The following HMGCLL1 variants were observed in gnomAD, a reference collection of about 807,000 sequenced individuals.
The protein encoded by HMGCLL1 is 3-hydroxymethyl-3-methylglutaryl-CoA lyase, cytoplasmic.
Under a neutral mutation model 39.1 loss-of-function variants are expected in HMGCLL1, and 36 were observed. The observed-to-expected ratio is 0.92, with a 90% CI of 0.71 to 1.22. The LOEUF (loss-of-function observed/expected upper bound fraction) is 1.22, where lower values mean the gene tolerates loss of function less well. Ranked by LOEUF, HMGCLL1 falls within the 50% of genes most tolerant of loss-of-function variation. HMGCLL1 has a pLI of 0.00. For synonymous variants in HMGCLL1, 149 were observed against 144.0 expected, an observed-to-expected ratio of 1.03 and a Z score of -0.25; for missense variants, 451 against 416.5, an observed-to-expected ratio of 1.08 and a Z score of -0.72.
At chr6:55,543,486 A>ATTTTTATG (rs1561951688) in intron 1 of HMGCLL1, among the ~76,000 whole-genome samples, 10 of 15,882 alleles carry the variant, frequency 6.3e-4, no homozygotes, top group Admixed American at 1.3e-3. Context: ...TAATATATAT[A>ATTTTTATG]TGATATATAT....
the HMGCLL1 span, among the ~76,000 whole-genome samples, chr6:55,628,461 C>T: frequency 6.6e-6 from 1 of 151,216 alleles, no homozygotes; most frequent in Admixed American, 6.6e-5. Context: ...CATCACCACA[C>T]CTGGCTAATT....
upstream of HMGCLL1, among the ~76,000 whole-genome samples, chr6:55,582,942 T>C (rs1305994137): frequency 6.6e-6 from 1 of 152,048 alleles, no homozygotes; most frequent in Non-Finnish European, 1.5e-5. Context: ...AAGTATAGCA[T>C]GTTATTTATT....
the HMGCLL1 span, among the ~76,000 whole-genome samples, chr6:55,615,446 T>G: frequency 6.6e-6 from 1 of 152,148 alleles, no homozygotes; most frequent in African/African-American, 2.4e-5. Flanking sequence ...CTCTATAAAA[T>G]GTACTTGCAG....
chr6:55,547,601 C>T (rs1770063280), intron 1 of HMGCLL1, among the ~76,000 whole-genome samples: 1 of 151,908 alleles, frequency 6.6e-6, no homozygotes, highest in South Asian at 2.1e-4. Context: ...AGCCAGTATT[C>T]CCAAGAACTG....
At chr6:55,586,492 C>A in the HMGCLL1 span, among the ~76,000 whole-genome samples, 8 of 151,794 alleles carry the variant, frequency 5.3e-5, no homozygotes, top group South Asian at 1.7e-3. Flanking sequence ...TGTGCTGCAC[C>A]CAATAACTCA....
intron 1 of HMGCLL1, among the ~76,000 whole-genome samples, chr6:55,578,676 A>C (rs1771875991): frequency 1.3e-5 from 2 of 152,210 alleles, no homozygotes; most frequent in Non-Finnish European, 2.9e-5. Context: ...GAAAACACAG[A>C]GAAGGAATTC....
At chr6:55,492,758 T>G (rs1181143280) in intron 7 of HMGCLL1, among the ~76,000 whole-genome samples, 1 of 152,196 alleles carries the variant, frequency 6.6e-6, no homozygotes, top group Non-Finnish European at 1.5e-5. Flanking sequence ...TGGCTATAAA[T>G]TAAGCCCTGG....
intron 1 of HMGCLL1, among the ~76,000 whole-genome samples, chr6:55,555,615 A>G (rs774363738): frequency 5.9e-5 from 9 of 152,216 alleles, no homozygotes; most frequent in Non-Finnish European, 1.3e-4. Context: ...AATTCATCCA[A>G]TCAGATTTCA....
the HMGCLL1 span, among the ~76,000 whole-genome samples, chr6:55,626,153 G>A: frequency 6.6e-6 from 1 of 152,096 alleles, no homozygotes; most frequent in Non-Finnish European, 1.5e-5. Flanking sequence ...CTGATGGCGT[G>A]TTGATTATAT....
the HMGCLL1 span, among the ~76,000 whole-genome samples, chr6:55,605,637 T>G: frequency 6.6e-6 from 1 of 152,162 alleles, no homozygotes; most frequent in African/African-American, 2.4e-5. Context: ...GATTTACATA[T>G]CTTGATTCAC....
chr6:55,538,855 C>CACAT (rs1554153661), intron 3 of HMGCLL1, among the ~76,000 whole-genome samples: 14 of 151,340 alleles, frequency 9.3e-5, no homozygotes, highest in South Asian at 2.1e-4. Context: ...CACACACACA[C>CACAT]TATAAACAGC....
intron 1 of HMGCLL1, among the ~76,000 whole-genome samples, chr6:55,546,198 T>C (rs1769963983): frequency 1.3e-5 from 2 of 152,152 alleles, no homozygotes; most frequent in African/African-American, 4.8e-5. Context: ...TATCCAATTA[T>C]TTTCAACAAA....
intron 7 of HMGCLL1, among the ~76,000 whole-genome samples, chr6:55,465,166 C>T (rs4478392): frequency 0.26 from 39,626 of 151,898 alleles, 5,189 homozygotes; most frequent in East Asian, 0.43. Context: ...CTGGTTTCTC[C>T]TAGTACTTTA....
intron 5 of HMGCLL1, among the ~76,000 whole-genome samples, chr6:55,500,297 A>G (rs1561920257): frequency 1.3e-5 from 2 of 152,002 alleles, no homozygotes; most frequent in Non-Finnish European, 2.9e-5. Context: ...GCAAGATCAG[A>G]TTTGTTTCCC....
chr6:55,500,681 A>T (rs1167965785), intron 5 of HMGCLL1, among the ~76,000 whole-genome samples: 2 of 152,030 alleles, frequency 1.3e-5, no homozygotes, highest in Non-Finnish European at 2.9e-5. Context: ...TCCCTCCGTT[A>T]TTCCAATCAC....
At chr6:55,570,291 T>C (rs1771410132) in intron 1 of HMGCLL1, among the ~76,000 whole-genome samples, 1 of 152,188 alleles carries the variant, frequency 6.6e-6, no homozygotes, top group African/African-American at 2.4e-5. Context: ...CTCAGCCTCT[T>C]TACTGAACAG....
intron 3 of HMGCLL1, among the ~76,000 whole-genome samples, chr6:55,523,174 G>C (rs1242201001): frequency 6.6e-6 from 1 of 151,804 alleles, no homozygotes; most frequent in Non-Finnish European, 1.5e-5. Context: ...CCACCTATCT[G>C]ATAAAGGGCT....
Position 55,541,852 on chromosome 6 carries a change from A to C in HMGCLL1, c.190-16T>G, listed in dbSNP as rs761407411. 194 of 1,414,016 alleles carry C rather than the reference A, an allele frequency of 1.4e-4. 4 individuals carry two copies. The South Asian group carries it at 2.3e-3, about 17-fold the overall frequency. The allele number at this position is 1,414,016 out of a possible 1,614,324, so 87.6% of individuals were successfully genotyped here. ...GAACTATAACCTATGAAAACAAAAA[A>C]TATTTTATAAGTAAATTGTATAGGT... On this transcript the variant is annotated splice_polypyrimidine_tract_variant and intron_variant, in intron 2 of 8. Transcript: ENST00000274901.
chr6:55,508,121 C>T (rs1469653409), intron 5 of HMGCLL1, among the ~76,000 whole-genome samples: 2 of 151,806 alleles, frequency 1.3e-5, no homozygotes, highest in South Asian at 2.1e-4. Flanking sequence ...TAAAGAAGTC[C>T]TATATTTGGA....
Sources: gnomAD v4.1 joint callset for allele counts (sites outside exome capture counted in the v4.1 genomes callset) on GRCh38, gnomAD v4.1.1 for gene constraint, MANE v1.5 for transcripts, NCBI Gene and HGNC (gene_info 2026-07-23, HGNC 2026-07-21) for gene names.